ERC2: variants seen among roughly 807,000 people sequenced by gnomAD.
The protein encoded by ERC2 is ELKS/RAB6-interacting/CAST family member 2.
Under a neutral mutation model 114.8 loss-of-function variants are expected in ERC2, and 42 were observed. The observed-to-expected ratio is 0.37, with a 90% confidence interval of 0.29 to 0.47. ERC2 has a LOEUF of 0.47. Among genes scored for constraint, ERC2 ranks in the 20% least tolerant of loss-of-function variants. The pLI is 0.99. For synonymous variants in ERC2, 454 were observed against 425.5 expected (o/e 1.07, Z -0.82); for missense variants, 939 against 1,150.7 (o/e 0.82, Z 2.66).
chr3:56,413,884 G>A (rs1374037486), intron 2 of ERC2, among the ~76,000 whole-genome samples: 3 of 152,150 alleles, frequency 2.0e-5, no homozygotes, highest in African/African-American at 7.2e-5. Context: ...ATAGCACTGG[G>A]CCTATGCACA....
intron 3 of ERC2, among the ~76,000 whole-genome samples, chr3:56,272,679 A>G (rs2053732184): frequency 1.3e-5 from 2 of 152,360 alleles, no homozygotes; most frequent in Admixed American, 1.3e-4. Flanking sequence ...CTGAGGCAGA[A>G]GAATCGCTTG....
intron 17 of ERC2, among the ~76,000 whole-genome samples, chr3:55,611,578 G>A (rs759239220): frequency 1.1e-4 from 16 of 152,278 alleles, no homozygotes; most frequent in Non-Finnish European, 2.2e-4. Flanking sequence ...TATTAGGGGA[G>A]TTCAGATGAC....
At chr3:55,672,960 A>G (rs2061626516) in intron 17 of ERC2, among the ~76,000 whole-genome samples, 1 of 152,184 alleles carries the variant, frequency 6.6e-6, no homozygotes, top group Non-Finnish European at 1.5e-5. Context: ...AAAAATAATA[A>G]CATGGAGAAA....
At chr3:55,529,451 A>T (rs1309265980) in intron 17 of ERC2, among the ~76,000 whole-genome samples, 1 of 152,200 alleles carries the variant, frequency 6.6e-6, no homozygotes, top group Non-Finnish European at 1.5e-5. Flanking sequence ...GAATTTTTAA[A>T]CTTCAAAGTT....
chr3:56,342,606 T>C (rs1282144127), intron 2 of ERC2, among the ~76,000 whole-genome samples: 2 of 152,136 alleles, frequency 1.3e-5, no homozygotes, highest in Admixed American at 6.5e-5. Context: ...GACACAGAAA[T>C]GAAACAGTCT....
At chr3:56,157,623 C>G (rs2081807159) in intron 4 of ERC2, among the ~76,000 whole-genome samples, 1 of 152,180 alleles carries the variant, frequency 6.6e-6, no homozygotes, top group Non-Finnish European at 1.5e-5. Context: ...TGTTAGCCTT[C>G]TAGCAAGCTG....
At chr3:56,168,190 T>C (rs890004681) in intron 4 of ERC2, among the ~76,000 whole-genome samples, 5 of 152,164 alleles carry the variant, frequency 3.3e-5, no homozygotes, top group African/African-American at 1.2e-4. Context: ...CCCGTAGCTT[T>C]CTCATCTGTG....
intron 6 of ERC2, among the ~76,000 whole-genome samples, chr3:56,086,575 G>A (rs1256260093): frequency 6.6e-6 from 1 of 151,488 alleles, no homozygotes; most frequent in Non-Finnish European, 1.5e-5. Context: ...CAGTAAGCAA[G>A]TATGACATCA....
intron 2 of ERC2, among the ~76,000 whole-genome samples, chr3:56,405,200 T>C (rs561819617): frequency 2.3e-4 from 35 of 152,280 alleles, no homozygotes; most frequent in Non-Finnish European, 3.5e-4. Flanking sequence ...TCCCAGCACC[T>C]TGGGAGGCTG....
chr3:55,669,187 C>T (rs2061465514), intron 17 of ERC2, among the ~76,000 whole-genome samples: 1 of 152,206 alleles, frequency 6.6e-6, no homozygotes, highest in Non-Finnish European at 1.5e-5. Context: ...GAGTTACACA[C>T]AAAGTCTCCT....
intron 6 of ERC2, among the ~76,000 whole-genome samples, chr3:56,120,206 C>T (rs2079495706): frequency 6.6e-6 from 1 of 152,144 alleles, no homozygotes; most frequent in African/African-American, 2.4e-5. Context: ...GATCTGGCAA[C>T]ACTGGGCCTC....
intron 17 of ERC2, among the ~76,000 whole-genome samples, chr3:55,644,811 A>G (rs2060323974): frequency 6.6e-6 from 1 of 151,812 alleles, no homozygotes; most frequent in Non-Finnish European, 1.5e-5. Context: ...ATGCTTGTGC[A>G]TTTTCTGGGG....
Position 55,841,184 on chromosome 3 carries a change from G to A in ERC2, c.2564+47205C>T, listed in dbSNP as rs1485559634. 4.6e-5 allele frequency among the ~76,000 whole-genome samples: 7 copies of A among 152,240 alleles called. No individual in the cohort carries two copies. The East Asian group carries it at 5.8e-4, about 13-fold the overall frequency. ...TAAATAAAACAAATCTGGCTGACAC[G>A]GTTTGGCTGTGTTCCAACCCAAATG... On this transcript the variant is annotated intron_variant, in intron 14 of 17. Transcript: ENST00000288221.
intron 12 of ERC2, among the ~76,000 whole-genome samples, chr3:55,963,442 G>A (rs2149471880): frequency 2.6e-5 from 4 of 152,216 alleles, no homozygotes; most frequent in Middle Eastern, 6.8e-3. Flanking sequence ...GTAAGAGAAG[G>A]ACAAAAGGGC....
intron 4 of ERC2, among the ~76,000 whole-genome samples, chr3:56,155,548 AG>A (rs1393628416): frequency 6.6e-6 from 1 of 152,084 alleles, no homozygotes; most frequent in East Asian, 1.9e-4. Context: ...TACCTATAAC[AG>A]AAAAAATATA....
At chr3:56,248,026 C>T (rs994191460) in intron 3 of ERC2, among the ~76,000 whole-genome samples, 1 of 152,132 alleles carries the variant, frequency 6.6e-6, no homozygotes. Flanking sequence ...TGAAAGTAAA[C>T]CTATCTTCCT....
intron 7 of ERC2, among the ~76,000 whole-genome samples, chr3:56,066,363 A>T (rs1384591162): frequency 6.6e-6 from 1 of 152,122 alleles, no homozygotes; most frequent in African/African-American, 2.4e-5. Context: ...TTCTTTTGAG[A>T]AGTGTCTGTT....
At chr3:56,377,630 CA>C (rs2059592982) in intron 2 of ERC2, among the ~76,000 whole-genome samples, 1 of 152,026 alleles carries the variant, frequency 6.6e-6, no homozygotes. Context: ...TTAGGCCCCC[CA>C]AAAAAGATAA....
At chr3:55,631,003 T>C (rs1308901515) in intron 17 of ERC2, among the ~76,000 whole-genome samples, 1 of 152,044 alleles carries the variant, frequency 6.6e-6, no homozygotes, top group Non-Finnish European at 1.5e-5. Context: ...AACTTCCAGA[T>C]GGTCCTGGTG....
Sources: allele counts gnomAD v4.1 joint callset (sites outside exome capture counted in the v4.1 genomes callset), GRCh38; gene constraint gnomAD v4.1.1; transcripts MANE v1.5; gene names NCBI Gene and HGNC (gene_info 2026-07-23, HGNC 2026-07-21).